Variants in ZCCHC14 observed in about 807,000 individuals in gnomAD.
ZCCHC14 encodes zinc finger CCHC domain-containing protein 14.
ZCCHC14 carries 16 observed loss-of-function variants against 85.0 expected under a neutral mutation model. The observed-to-expected ratio is 0.19, with a 90% CI of 0.13 to 0.29. ZCCHC14 has a LOEUF of 0.29. Ranked by LOEUF, ZCCHC14 falls within the 10% of genes least tolerant of loss-of-function variation. ZCCHC14 has a pLI of 1.00. For missense variants in ZCCHC14, 1,303 were observed against 1,443.5 expected, an observed-to-expected ratio of 0.90 and a Z score of 1.58; for synonymous variants, 775 against 630.7, an observed-to-expected ratio of 1.23 and a Z score of -3.43.
Position 87,420,707 on chromosome 16 carries a change from G to A in ZCCHC14, c.850C>T (p.Leu284Phe). Residue 284 changes from leucine (L) to phenylalanine (F), a missense_variant, in exon 5 of 13, where the codon CTC becomes TTC. Transcript: ENST00000671377. The surrounding 1 kb of genome is among the most constrained non-coding windows in gnomAD (Gnocchi z 5.0). ...TTCTCCAAGTTCTCTTCAGGATAGAGCTGACATAGCTGGAAGAGAGGACAA... is the reference window on the plus strand; with the variant it reads ...TTCTCCAAGTTCTCTTCAGGATAGAACTGACATAGCTGGAAGAGAGGACAA... ...VTEFISKLCQ[L>F]YPEENLEKLI... is the part of the protein sequence containing the mutation. 1 of 1,612,186 alleles carries A rather than the reference G, an allele frequency of 6.2e-7. No individual in the cohort carries two copies. The highest frequency in any genetic ancestry group is 8.5e-7 in the Non-Finnish European group (1 of 1,179,066).
chr16:87,412,076 C>T lies in ZCCHC14; in HGVS notation c.2645G>A (p.Ser882Asn). The change falls in exon 12 of 13, where the codon AGC (serine) becomes AAC (asparagine). Residue 882 changes from serine (S) to asparagine (N), a missense_variant. Around this residue, in one of 7 missense-constraint regions of ZCCHC14, gnomAD observed 797 missense variants for 730.8 expected, o/e 1.09. Transcript: ENST00000671377. ...TGTGGAGCCGCCACCGCCACTGCTG[C>T]TATAGAAACTGCTTTCAGGGACGGA... ...LSSVPESSFY[S>N]SSGGGGSTGN... 1 of 1,612,298 alleles carries T rather than the reference C, an allele frequency of 6.2e-7. No homozygotes were observed. Among genetic ancestry groups the T allele is most frequent in the Non-Finnish European group, 8.5e-7 (1 of 1,180,020 alleles).
chr16:87,484,736 C>T (rs7205226), intron 1 of ZCCHC14, among the ~76,000 whole-genome samples: 54,590 of 151,844 alleles, frequency 0.36, 13,137 homozygotes, highest in African/African-American at 0.66. Context: ...TAGAGACGAG[C>T]GGTGTTAAAG....
chr16:87,477,881 G>A (rs1378371785), intron 1 of ZCCHC14, among the ~76,000 whole-genome samples: 1 of 130,032 alleles, frequency 7.7e-6, no homozygotes, highest in Non-Finnish European at 1.6e-5. Context: ...GGGGAACACC[G>A]ACACGCCCCC....
chr16:87,411,940 G>C lies in ZCCHC14; in HGVS notation c.2781C>G (p.Ser927=). Residue 927 remains serine (S), a synonymous_variant, in exon 12 of 13, where the codon TCC becomes TCG. Transcript: ENST00000671377. ...PPPPGCIVCT[S]CGCSGSCGSS... ...AGCCGCAGCTGCCGCTGCAGCCACA[G>C]GACGTGCACACAATGCAGCCTGGCG... The C allele has an allele frequency of 6.2e-7, 1 of 1,606,950 alleles. No individual in the cohort carries two copies. Among genetic ancestry groups the C allele is most frequent in the Non-Finnish European group, 8.5e-7 (1 of 1,177,716 alleles).
At chr16:87,417,979 C>T (rs777536733) in intron 7 of ZCCHC14, 21 of 531,670 alleles carry the variant, frequency 3.9e-5, no homozygotes, top group South Asian at 6.6e-5. Context: ...TGCATACAGG[C>T]GGCTGTGCAT....
At chr16:87,467,897 C>T (rs1388454415) in intron 1 of ZCCHC14, among the ~76,000 whole-genome samples, 4 of 152,170 alleles carry the variant, frequency 2.6e-5, no homozygotes, top group Admixed American at 6.5e-5. Context: ...GTGGTCCGCC[C>T]GCCTCAGCCT....
chr16:87,448,990 C>T (rs1367172736), intron 2 of ZCCHC14, among the ~76,000 whole-genome samples: 2 of 152,232 alleles, frequency 1.3e-5, no homozygotes, highest in African/African-American at 2.4e-5. Flanking sequence ...GGCCCAAGCT[C>T]GGCCTTACGA....
rs1196103843 is a variant in ZCCHC14 at position 87,420,758 on chromosome 16, T to C, written c.841-42A>G. 1.3e-6 allele frequency: 2 copies of C among 1,521,748 alleles called. No homozygotes were observed. The allele number at this position is 1,521,748 out of a possible 1,614,324, so 94.3% of individuals were successfully genotyped here. On this transcript the variant is annotated intron_variant, in intron 4 of 12. Coordinates refer to ENST00000671377, the MANE Select transcript of ZCCHC14 (RefSeq NM_015144.3). The surrounding 1 kb of genome is among the most constrained non-coding windows in gnomAD (Gnocchi z 5.0). ...GGTAGAGGAGGTGTGTCCAGACCCA[T>C]CCAACACCAGCAGAATTCTGCTACT...
chr16:87,463,446 A>G (rs1404908275), intron 1 of ZCCHC14, among the ~76,000 whole-genome samples: 1 of 152,230 alleles, frequency 6.6e-6, no homozygotes, highest in Non-Finnish European at 1.5e-5. Context: ...GAACCTCCAC[A>G]TTCTCTTAGC....
rs1306794649 is a variant in ZCCHC14, at chr16:87,414,950, C to T, written c.1475+326G>A. 3.3e-5 allele frequency among the ~76,000 whole-genome samples: 5 copies of T among 152,092 alleles called. No individual in the cohort carries two copies. The East Asian group carries it at 5.8e-4, about 18-fold the overall frequency. ...ACAAAAAATTAGCCAGGCGTGGTGGCGGGTGCCTGTAATCCCAGGTACTTG... is the reference window on the plus strand; with the variant it reads ...ACAAAAAATTAGCCAGGCGTGGTGGTGGGTGCCTGTAATCCCAGGTACTTG... On this transcript the variant is annotated intron_variant, in intron 9 of 12. Transcript: ENST00000671377.
chr16:87,475,550 C>CT (rs1161296467), intron 1 of ZCCHC14, among the ~76,000 whole-genome samples: 2 of 90,412 alleles, frequency 2.2e-5, no homozygotes, highest in Non-Finnish European at 3.7e-5. Flanking sequence ...AAGACTCTGT[C>CT]TTAAAAAAAA....
chr16:87,417,638 G>T lies in ZCCHC14; in HGVS notation c.1205C>A (p.Ala402Glu), dbSNP rs745846476. 8 of 1,614,008 alleles carry T rather than the reference G, an allele frequency of 5.0e-6. No homozygotes were observed. The Admixed American group carries it at 1.2e-4, about 24-fold the overall frequency. ...SAAPLPHCSHAGSAGSALAYR... is the reference protein window; with the variant it reads ...SAAPLPHCSHEGSAGSALAYR... The stretch of plus-strand genomic sequence containing the variant: ...GGCCAGGGCTGAGCCCGCGCTGCCC[G>T]CATGGGAGCAGTGAGGCAAGGGGGC... Residue 402 changes from alanine to glutamate, a missense_variant, in exon 8 of 13, where the codon GCG (alanine) becomes GAG (glutamate). By Grantham distance (107) the Ala-to-Glu change is moderately radical (BLOSUM62 -1). This residue lies in a region of ZCCHC14 where 389 missense variants were observed against 397.8 expected (regional missense o/e 0.98). Transcript: ENST00000671377.
intron 2 of ZCCHC14, among the ~76,000 whole-genome samples, chr16:87,449,069 AC>A (rs1910572118): frequency 6.6e-6 from 1 of 151,362 alleles, no homozygotes; most frequent in South Asian, 2.1e-4. Flanking sequence ...AGTCAGAGCC[AC>A]CCCAGCCACT....
chr16:87,447,262 C>A (rs974568294), intron 2 of ZCCHC14, among the ~76,000 whole-genome samples: 1 of 152,048 alleles, frequency 6.6e-6, no homozygotes, highest in Admixed American at 6.5e-5. Flanking sequence ...GGACACCTGC[C>A]AGACTGCAAA....
At chr16:87,486,797 T>C (rs533435781) in intron 1 of ZCCHC14, among the ~76,000 whole-genome samples, 27 of 152,364 alleles carry the variant, frequency 1.8e-4, no homozygotes, top group Admixed American at 4.6e-4. Context: ...GACAAGTTCA[T>C]AGACCAGGCG....
At chr16:87,422,912 G>GC (rs1597405885) in intron 4 of ZCCHC14, among the ~76,000 whole-genome samples, 3 of 152,134 alleles carry the variant, frequency 2.0e-5, no homozygotes, top group African/African-American at 4.8e-5. Flanking sequence ...TCCCGGGGGG[G>GC]GGTGTGTGTT....
chr16:87,491,690 G>T lies in ZCCHC14; in HGVS notation c.549C>A (p.Pro183=). 1.4e-6 allele frequency: 2 copies of T among 1,425,766 alleles called. No individual in the cohort carries two copies. Among genetic ancestry groups the T allele is most frequent in the South Asian group, 3.0e-5 (2 of 66,116 alleles). 88.3% of individuals were successfully genotyped at this position (1,425,766 alleles called of 1,614,324 possible). A position where few individuals can be genotyped will look rare whatever the true frequency, so the allele number is the denominator to read the frequency against. ...GCACCTTGTGGCAGGCTGGGCAAGT[G>T]GGCAGCGCGCCGCCCGGCCCGGGCG... ...KGAPGPGGAL[P]TCPACHKITP... Residue 183 remains proline (P), a synonymous_variant, in exon 1 of 13, where the codon CCC becomes CCA. Transcript: ENST00000671377. This position sits in a 1 kb window ranked among gnomAD's most constrained non-coding sequence, Gnocchi z 5.9.
chr16:87,415,132 A>C, intron 9 of ZCCHC14, 144 bp downstream of exon 9: 1 of 606,938 alleles, frequency 1.6e-6, no homozygotes, highest in South Asian at 2.1e-5. Context: ...AAATAAATAA[A>C]AATAAATAAA....
chr16:87,415,002 AAC>A lies in ZCCHC14; in HGVS notation c.1475+272_1475+273del, dbSNP rs1908708414. Among the ~76,000 whole-genome samples, 3 of 152,340 alleles carry A rather than the reference AAC, an allele frequency of 2.0e-5. No homozygotes were observed. In the South Asian group the frequency reaches 6.2e-4, roughly 32 times the overall value. On this transcript the variant is annotated intron_variant, in intron 9 of 12. Transcript: ENST00000671377. ...GAGACTGAGGCAGGAGAATCGCTTG[AAC>A]CTGAGAGGCAGAGGTTGCAGTGAGC...
Sources: allele counts gnomAD v4.1 joint callset (sites outside exome capture counted in the v4.1 genomes callset), GRCh38; gene constraint gnomAD v4.1.1; regional missense constraint gnomAD v4.1.1; non-coding constraint Gnocchi (gnomAD v3.1); transcripts MANE v1.5; gene names NCBI Gene and HGNC (gene_info 2026-07-23, HGNC 2026-07-21).